ROBO1: variants seen among roughly 807,000 people sequenced by gnomAD.
The protein encoded by ROBO1 is roundabout guidance receptor 1, also known as roundabout homolog 1.
A neutral mutation model predicts 195.9 loss-of-function variants in ROBO1; 149 were observed. The observed-to-expected ratio is 0.76, with a 90% CI of 0.67 to 0.87. The LOEUF is 0.87. ROBO1 is among the 40% of genes least tolerant of loss of function. The pLI is 0.00. For missense variants in ROBO1, 1,933 were observed against 2,068.3 expected (o/e 0.93, Z 1.27); for synonymous variants, 816 against 733.2 (o/e 1.11, Z -1.82).
intron 3 of ROBO1, among the ~76,000 whole-genome samples, chr3:78,997,428 G>A (rs532417314): frequency 2.0e-5 from 3 of 152,024 alleles, no homozygotes; most frequent in African/African-American, 4.8e-5. Flanking sequence ...CTAAGCATTC[G>A]AGAAATGAAC....
At chr3:79,469,410 A>G (rs529463450) in intron 2 of ROBO1, among the ~76,000 whole-genome samples, 1 of 152,164 alleles carries the variant, frequency 6.6e-6, no homozygotes, top group Non-Finnish European at 1.5e-5. Flanking sequence ...AAAGCAAAAC[A>G]CCAAACAAAA....
At chr3:79,151,969 C>A (rs1232382070) in intron 2 of ROBO1, among the ~76,000 whole-genome samples, 1 of 151,720 alleles carries the variant, frequency 6.6e-6, no homozygotes, top group South Asian at 2.1e-4. Context: ...CTGACATTTT[C>A]TTTTTTAATC....
At chr3:78,884,060 G>A (rs1346086925) in intron 4 of ROBO1, among the ~76,000 whole-genome samples, 1 of 152,134 alleles carries the variant, frequency 6.6e-6, no homozygotes, top group Non-Finnish European at 1.5e-5. Flanking sequence ...GAAAGGCAAA[G>A]GTGAGCTCAT....
intron 3 of ROBO1, among the ~76,000 whole-genome samples, chr3:79,046,142 G>A (rs191269948): frequency 3.2e-4 from 49 of 152,240 alleles, no homozygotes; most frequent in Non-Finnish European, 6.2e-4. Context: ...TGTGGTTTCT[G>A]CCTTGAGTGT....
intron 1 of ROBO1, among the ~76,000 whole-genome samples, chr3:79,682,553 A>C (rs1177009144): frequency 1.3e-5 from 2 of 152,058 alleles, no homozygotes; most frequent in African/African-American, 4.8e-5. Context: ...ATTTTTAAAA[A>C]ATAGAATATT....
At chr3:78,718,644 G>A (rs867306625) in intron 5 of ROBO1, among the ~76,000 whole-genome samples, 4 of 151,970 alleles carry the variant, frequency 2.6e-5, no homozygotes, top group Non-Finnish European at 1.5e-5. Flanking sequence ...AATTTAACAC[G>A]CTTTTGGATG....
At chr3:79,520,838 C>G (rs1264590975) in intron 2 of ROBO1, among the ~76,000 whole-genome samples, 1 of 146,318 alleles carries the variant, frequency 6.8e-6, no homozygotes, top group Non-Finnish European at 1.5e-5. Flanking sequence ...CAAACCAGAG[C>G]CAAAAAAAAA....
intron 2 of ROBO1, among the ~76,000 whole-genome samples, chr3:79,127,538 C>T (rs761356621): frequency 2.0e-5 from 3 of 152,192 alleles, no homozygotes; most frequent in Non-Finnish European, 4.4e-5. Context: ...AATGTGGACG[C>T]ACACATTTCT....
chr3:79,488,608 G>C (rs1214319265), intron 2 of ROBO1, among the ~76,000 whole-genome samples: 3 of 152,096 alleles, frequency 2.0e-5, no homozygotes, highest in Non-Finnish European at 2.9e-5. Context: ...TTAAAAATCT[G>C]AATTGCTGTC....
chr3:79,526,212 T>A (rs934165087), intron 2 of ROBO1, among the ~76,000 whole-genome samples: 2 of 152,308 alleles, frequency 1.3e-5, no homozygotes, highest in Admixed American at 6.5e-5. Context: ...TTATGAAATG[T>A]TTAAAGTTAA....
At chr3:79,376,075 A>G (rs2036372456) in intron 2 of ROBO1, among the ~76,000 whole-genome samples, 1 of 152,190 alleles carries the variant, frequency 6.6e-6, no homozygotes, top group Non-Finnish European at 1.5e-5. Flanking sequence ...TTAAATAACT[A>G]AAGTGTGCTA....
At chr3:79,105,496 T>C (rs976460483) in intron 3 of ROBO1, among the ~76,000 whole-genome samples, 3 of 151,710 alleles carry the variant, frequency 2.0e-5, no homozygotes, top group African/African-American at 7.2e-5. Context: ...AGCTAGCAAT[T>C]TGGTAAGTTT....
intron 3 of ROBO1, among the ~76,000 whole-genome samples, chr3:79,114,598 T>A (rs1308715596): frequency 6.6e-6 from 1 of 152,162 alleles, no homozygotes; most frequent in East Asian, 1.9e-4. Flanking sequence ...TTATAAGGCA[T>A]CGACATTTCC....
At chr3:79,601,416 G>A (rs1944335740) in intron 1 of ROBO1, among the ~76,000 whole-genome samples, 1 of 151,952 alleles carries the variant, frequency 6.6e-6, no homozygotes, top group Non-Finnish European at 1.5e-5. Flanking sequence ...GAAGTTTTTG[G>A]CCAAAAGCTC....
chr3:78,718,235 AAAAAG>A (rs1209798286), intron 5 of ROBO1, among the ~76,000 whole-genome samples: 1 of 152,214 alleles, frequency 6.6e-6, no homozygotes, highest in Non-Finnish European at 1.5e-5. Context: ...GAGGAAAGAG[AAAAAG>A]AAAATTCTTA....
At chr3:78,898,568 T>G (rs1230074409) in intron 4 of ROBO1, among the ~76,000 whole-genome samples, 1 of 151,550 alleles carries the variant, frequency 6.6e-6, no homozygotes, top group Non-Finnish European at 1.5e-5. Context: ...TTTTGTATTT[T>G]TCAGTAGAGA....
intron 2 of ROBO1, among the ~76,000 whole-genome samples, chr3:79,547,534 A>T: frequency 6.6e-6 from 1 of 152,184 alleles, no homozygotes; most frequent in Non-Finnish European, 1.5e-5. Context: ...AAATATATAT[A>T]ATTTAGCCTG....
chr3:78,873,665 T>A (rs372577555), intron 4 of ROBO1, among the ~76,000 whole-genome samples: 2 of 152,304 alleles, frequency 1.3e-5, no homozygotes, highest in South Asian at 4.1e-4. Flanking sequence ...CAACAACTAA[T>A]ACTTACTATC....
chr3:79,481,537 C>T (rs1015131079), intron 2 of ROBO1, among the ~76,000 whole-genome samples: 1 of 152,168 alleles, frequency 6.6e-6, no homozygotes, highest in Non-Finnish European at 1.5e-5. Context: ...TTTCCCATGT[C>T]TATCAACCAG....
Sources: gnomAD v4.1 joint callset for allele counts (sites outside exome capture counted in the v4.1 genomes callset) on GRCh38, gnomAD v4.1.1 for gene constraint, MANE v1.5 for transcripts, NCBI Gene and HGNC (gene_info 2026-07-23, HGNC 2026-07-21) for gene names.